The following GSE1 variants were observed in gnomAD, a reference collection of about 807,000 sequenced individuals.
The protein encoded by GSE1 is Gse1 coiled-coil protein.
GSE1 carries 32 observed loss-of-function variants against 112.6 expected under a neutral mutation model. That is an observed-to-expected ratio of 0.28 (90% CI 0.21 to 0.38). The LOEUF (loss-of-function observed/expected upper bound fraction) is 0.38. Among genes scored for constraint, GSE1 ranks in the 10% least tolerant of loss-of-function variants. The pLI is 1.00. For synonymous variants in GSE1, 1,115 were observed against 735.6 expected (o/e 1.52, Z -8.35); for missense variants, 2,348 against 1,699.2 (o/e 1.38, Z -6.71).
At chr16:85,527,511 G>C (rs2052401657) in intron 2 of GSE1, among the ~76,000 whole-genome samples, 1 of 152,248 alleles carries the variant, frequency 6.6e-6, no homozygotes, top group African/African-American at 2.4e-5. Flanking sequence ...CTGCTGCACG[G>C]GCATTGCCAA....
At chr16:85,460,994 C>T (rs1048973418) in intron 2 of GSE1, among the ~76,000 whole-genome samples, 4 of 152,206 alleles carry the variant, frequency 2.6e-5, no homozygotes, top group Admixed American at 6.5e-5. Flanking sequence ...CACAGGCTGA[C>T]GGCAGCCAGC....
In GSE1 at chr16:85,672,485, T is replaced by G. The variant is rs2053433180; in HGVS notation, c.3600T>G (p.Leu1200=). The G allele has an allele frequency of 6.2e-7, 1 of 1,612,698 alleles. No homozygotes were observed. Among genetic ancestry groups the G allele is most frequent in the Non-Finnish European group, 8.5e-7 (1 of 1,178,998 alleles). ...AACTGGACCACTTACGAAAGTGCCT[T>G]GCCTTGCCTGCAATGCACTGGCCTA... is the stretch of plus-strand genomic sequence containing the variant. ...QAELDHLRKC[L]ALPAMHWPRG... Residue 1200 remains leucine (L), a synonymous_variant, in exon 16 of 16, where the codon CTT becomes CTG. Transcript: ENST00000253458.
At chr16:85,384,089 C>T (rs992084617) in intron 2 of GSE1, among the ~76,000 whole-genome samples, 1 of 152,140 alleles carries the variant, frequency 6.6e-6, no homozygotes, top group African/African-American at 2.4e-5. Context: ...GCACGTCTCC[C>T]TCGACCCTCC....
intron 2 of GSE1, among the ~76,000 whole-genome samples, chr16:85,521,847 T>C (rs1174847273): frequency 6.6e-6 from 1 of 152,186 alleles, no homozygotes; most frequent in Admixed American, 6.5e-5. Context: ...CAGGGGGTCG[T>C]GGAGGGTTCC....
At chr16:85,366,269 G>A (rs529575345) in intron 2 of GSE1, among the ~76,000 whole-genome samples, 38 of 152,348 alleles carry the variant, frequency 2.5e-4, no homozygotes, top group Middle Eastern at 3.4e-3. Flanking sequence ...CGGAGGGCAC[G>A]GGGGGCTGGA....
At chr16:85,357,147 C>T (rs2046966623) in intron 1 of GSE1, among the ~76,000 whole-genome samples, 1 of 152,236 alleles carries the variant, frequency 6.6e-6, no homozygotes. Context: ...CCGTGCAGTG[C>T]TGGCCAGCTG....
intron 2 of GSE1, among the ~76,000 whole-genome samples, chr16:85,371,128 C>A (rs915238791): frequency 6.6e-6 from 1 of 152,342 alleles, no homozygotes; most frequent in Non-Finnish European, 1.5e-5. Flanking sequence ...TGCTCCGCCC[C>A]CCTCGTTCCT....
At chr16:85,669,450 A>G (rs1276708197) in intron 14 of GSE1, among the ~76,000 whole-genome samples, 1 of 152,200 alleles carries the variant, frequency 6.6e-6, no homozygotes, top group Non-Finnish European at 1.5e-5. Flanking sequence ...TCTCCAAACT[A>G]AAAACAAACG....
chr16:85,194,676 G>A (rs910660478), intron 1 of GSE1, among the ~76,000 whole-genome samples: 2 of 152,174 alleles, frequency 1.3e-5, no homozygotes, highest in Non-Finnish European at 2.9e-5. Flanking sequence ...TTAACCAGGA[G>A]CTTTGGCTGC....
At chr16:85,401,528 G>A (rs2048115766) in intron 2 of GSE1, among the ~76,000 whole-genome samples, 1 of 152,198 alleles carries the variant, frequency 6.6e-6, no homozygotes. Flanking sequence ...CCAGGAGAAT[G>A]AGCCGGCCCA....
chr16:85,371,703 G>A (rs1404259714), intron 2 of GSE1, among the ~76,000 whole-genome samples: 2 of 152,190 alleles, frequency 1.3e-5, no homozygotes, highest in Non-Finnish European at 1.5e-5. Context: ...CCAGACACCT[G>A]AGGGTGAGCT....
intron 2 of GSE1, among the ~76,000 whole-genome samples, chr16:85,501,010 T>TG (rs1225093390): frequency 0.018 from 2,502 of 137,770 alleles, 104 homozygotes; most frequent in African/African-American, 0.065. Context: ...TTTTTTTTTT[T>TG]TTTTTTTTTT....
intron 1 of GSE1, among the ~76,000 whole-genome samples, chr16:85,189,783 G>C (rs2074784017): frequency 1.3e-5 from 2 of 152,114 alleles, no homozygotes. Context: ...TTTTGTCTAG[G>C]TAGTCAAATT....
chr16:85,542,244 A>C (rs2044546647), intron 2 of GSE1, among the ~76,000 whole-genome samples: 1 of 152,262 alleles, frequency 6.6e-6, no homozygotes. Flanking sequence ...AGCAGGCTGC[A>C]CAGGGCAGCT....
rs1466849667 is a variant in GSE1 at position 85,528,680 on chromosome 16, T to TTTG, written c.2465-105232_2465-105231insGTT. Among the ~76,000 whole-genome samples the TTTG allele has an allele frequency of 1.7e-3, 231 of 134,614 alleles. 1 individual carries two copies. The highest frequency in any genetic ancestry group is 5.3e-3 in the African/African-American group (191 of 36,290). The allele number at this position is 134,614 out of a possible 152,430, so 88.3% of individuals were successfully genotyped here. ...TTTGTTTTGTTTTGTTTTGTTTTGT[T>TTTG]TTTTGATGGGGTGGTCAGGAAGGGC... On this transcript the variant is annotated intron_variant, in intron 2 of 2. Coordinates refer to the GSE1 transcript ENST00000637419.
chr16:85,414,664 T>C (rs2048662936), intron 2 of GSE1, among the ~76,000 whole-genome samples: 1 of 152,236 alleles, frequency 6.6e-6, no homozygotes, highest in Non-Finnish European at 1.5e-5. Context: ...AGATGGAGTC[T>C]TGCTCTGTCA....
intron 1 of GSE1, among the ~76,000 whole-genome samples, chr16:85,241,544 C>T (rs1333461399): frequency 5.3e-5 from 8 of 152,024 alleles, no homozygotes; most frequent in Non-Finnish European, 8.8e-5. Context: ...TACCTCACAC[C>T]GCAGGGAGGG....
intron 1 of GSE1, among the ~76,000 whole-genome samples, chr16:85,246,495 TAC>T (rs1180956735): frequency 2.5e-3 from 86 of 34,492 alleles, no homozygotes; most frequent in Non-Finnish European, 3.2e-3. Flanking sequence ...ACACACACTC[TAC>T]ACACCCCCCC....
At chr16:85,246,333 C>CACCCA (rs1567636056) in intron 1 of GSE1, among the ~76,000 whole-genome samples, 3 of 31,530 alleles carry the variant, frequency 9.5e-5, no homozygotes, top group African/African-American at 4.1e-4. Context: ...ACACACACAC[C>CACCCA]CCCCACACGC....
Sources: gnomAD v4.1 joint callset for allele counts (sites outside exome capture counted in the v4.1 genomes callset) on GRCh38, gnomAD v4.1.1 for gene constraint, MANE v1.5 for transcripts, NCBI Gene and HGNC (gene_info 2026-07-23, HGNC 2026-07-21) for gene names.